KIF25: variants seen among roughly 807,000 people sequenced by gnomAD.
KIF25 encodes kinesin family member 25, also known as kinesin-like protein KIF25.
In KIF25, 19 loss-of-function variants were observed where a neutral mutation model predicts 32.9. The ratio of observed to expected loss-of-function variants is 0.58; its 90% CI spans 0.40 to 0.85. KIF25 has a LOEUF of 0.85. Among genes scored for constraint, KIF25 ranks in the 40% least tolerant of loss-of-function variants. The probability of loss-of-function intolerance (pLI) is 0.00; values close to 1 mark genes in which losing one functional copy is unlikely to be tolerated. For missense variants in KIF25, 485 were observed against 507.0 expected, an observed-to-expected ratio of 0.96 and a Z score of 0.42; for synonymous variants, 225 against 213.7, an observed-to-expected ratio of 1.05 and a Z score of -0.46.
At chr6:168,039,221 G>C (rs73788692) in intron 9 of KIF25, among the ~76,000 whole-genome samples, 3,586 of 152,252 alleles carry the variant, frequency 0.024, 159 homozygotes, top group African/African-American at 0.082. Flanking sequence ...CATCCCATCT[G>C]ACAGATGAGG....
chr6:168,024,624 C>A (rs777964455), intron 5 of KIF25, among the ~76,000 whole-genome samples: 7 of 151,732 alleles, frequency 4.6e-5, no homozygotes, highest in Non-Finnish European at 1.0e-4. Flanking sequence ...GTGAAGCAAT[C>A]AAAATAGGTG....
At chr6:168,000,246 G>T (rs373391969) in intron 2 of KIF25, among the ~76,000 whole-genome samples, 2 of 76,594 alleles carry the variant, frequency 2.6e-5, no homozygotes, top group East Asian at 7.6e-4. Flanking sequence ...CTCCCATCCC[G>T]ACCACGCCTG....
chr6:168,007,237 CCT>C (rs1461294741), intron 4 of KIF25, among the ~76,000 whole-genome samples: 1 of 152,058 alleles, frequency 6.6e-6, no homozygotes, highest in Non-Finnish European at 1.5e-5. Flanking sequence ...ATGGTGAAAC[CCT>C]GTCTCTACTA....
chr6:168,023,269 CTTTT>C lies in KIF25; in HGVS notation c.-95+5245_-95+5248del, dbSNP rs34667438. Among the ~76,000 whole-genome samples the C allele has an allele frequency of 8.1e-3, 904 of 111,906 alleles. 12 individuals are homozygous for C. The highest frequency in any genetic ancestry group is 0.027 in the African/African-American group (863 of 31,536). 73.4% of individuals were successfully genotyped at this position (111,906 alleles called of 152,430 possible). On this transcript the variant is annotated intron_variant, in intron 5 of 12. Coordinates refer to ENST00000643607, the MANE Select transcript of KIF25 (RefSeq NM_030615.4). ...TTGCACCTAGGAAGTTTCCTTCTTCCTTTTTTTTTTTTTTTTTTTGAGGAGTCTT... is the reference window on the plus strand; with the variant it reads ...TTGCACCTAGGAAGTTTCCTTCTTCCTTTTTTTTTTTTTTTGAGGAGTCTT...
chr6:168,036,494 C>T (rs1455702048), intron 8 of KIF25, among the ~76,000 whole-genome samples: 1 of 152,218 alleles, frequency 6.6e-6, no homozygotes, highest in African/African-American at 2.4e-5. Flanking sequence ...TGCGTGTGTG[C>T]CTCGCCTTCT....
At chr6:168,007,213 C>T (rs1256811984) in intron 4 of KIF25, among the ~76,000 whole-genome samples, 1 of 152,156 alleles carries the variant, frequency 6.6e-6, no homozygotes, top group Non-Finnish European at 1.5e-5. Flanking sequence ...GAGTTCGACA[C>T]CAGCCTGGCC....
intron 5 of KIF25, among the ~76,000 whole-genome samples, chr6:168,024,965 C>T (rs1036802410): frequency 6.6e-6 from 1 of 152,134 alleles, no homozygotes; most frequent in African/African-American, 2.4e-5. Context: ...GCAGGAGAAT[C>T]GCATGAACCC....
At chr6:168,036,676 C>G (rs531972143) in intron 8 of KIF25, among the ~76,000 whole-genome samples, 1 of 152,218 alleles carries the variant, frequency 6.6e-6, no homozygotes, top group Non-Finnish European at 1.5e-5. Flanking sequence ...AAGAGACAAA[C>G]TGACACATAA....
chr6:168,003,895 T>C (rs2114865919), intron 4 of KIF25, among the ~76,000 whole-genome samples, 192 bp downstream of exon 4: 1 of 152,316 alleles, frequency 6.6e-6, no homozygotes, highest in South Asian at 2.1e-4. Flanking sequence ...CGTAGTTCTA[T>C]GTGAGGAAGT....
At chr6:168,033,573 C>T (rs752998380) in intron 7 of KIF25, among the ~76,000 whole-genome samples, 4 of 151,794 alleles carry the variant, frequency 2.6e-5, no homozygotes, top group African/African-American at 7.3e-5. Context: ...GGTCAGAATC[C>T]CTATGTGAAT....
intron 4 of KIF25, among the ~76,000 whole-genome samples, chr6:168,005,868 C>T (rs112787233): frequency 0.022 from 3,342 of 152,336 alleles, 58 homozygotes; most frequent in Non-Finnish European, 0.035. Flanking sequence ...TTGGCAACAG[C>T]CTCACAGCCA....
At chr6:168,030,260 C>T (rs565772584) in intron 6 of KIF25, among the ~76,000 whole-genome samples, 1 of 152,108 alleles carries the variant, frequency 6.6e-6, no homozygotes, top group South Asian at 2.1e-4. Flanking sequence ...GACCTGGGGC[C>T]TAGGAAAACA....
In KIF25 at chr6:167,997,998, G is replaced by A. The variant is rs1214509855; in HGVS notation, c.-1471G>A. 6.6e-6 allele frequency among the ~76,000 whole-genome samples: 1 copy of A among 152,102 alleles called. No homozygotes were observed. The highest frequency in any genetic ancestry group is 2.4e-5 in the African/African-American group (1 of 41,390). Reference sequence around the variant, plus strand: ...CAGTGCTCCAAACATTGATATAAGAGAACATTTATTGAGTGCTTCCTGTGT... The same window carrying A: ...CAGTGCTCCAAACATTGATATAAGAAAACATTTATTGAGTGCTTCCTGTGT... On this transcript the variant is annotated 5_prime_UTR_variant, in exon 1 of 13. Transcript: ENST00000643607.
intron 2 of KIF25, among the ~76,000 whole-genome samples, chr6:168,000,233 C>T (rs577043933): frequency 5.2e-5 from 7 of 134,340 alleles, no homozygotes; most frequent in Admixed American, 3.7e-4. Context: ...CTGCCCCTCC[C>T]CACTCCCATC....
At chr6:168,029,450 C>T (rs953570405) in intron 5 of KIF25, 42 bp from the exon 6 acceptor site, 4 of 1,354,584 alleles carry the variant, frequency 3.0e-6, no homozygotes, top group African/African-American at 2.9e-5. Flanking sequence ...AAGGCATGGT[C>T]GTGGTAATAC....
chr6:168,038,827 C>T (rs1799074818), intron 9 of KIF25, 98 bp downstream of exon 9: 3 of 1,249,292 alleles, frequency 2.4e-6, no homozygotes, highest in East Asian at 2.5e-5. Context: ...AAACGAGCTC[C>T]CCACGCCCAA....
chr6:168,018,695 G>A (rs566929797), intron 5 of KIF25, among the ~76,000 whole-genome samples: 8 of 152,296 alleles, frequency 5.3e-5, no homozygotes, highest in African/African-American at 1.7e-4. Context: ...GAATCAATGC[G>A]CGTGGCCTTT....
rs117151552 is a variant in KIF25, at chr6:168,032,065, G to A, written c.167+1218G>A. Among the ~76,000 whole-genome samples the A allele has an allele frequency of 8.3e-3, 1,263 of 152,322 alleles. 13 individuals are homozygous for A. The highest frequency in any genetic ancestry group is 0.01 in the Middle Eastern group (3 of 294). ...GGAGACTAAAGTTCTCATTTGCAGA[G>A]GAAGCCTTTAGGTAGCAGCTTCAGA... On this transcript the variant is annotated intron_variant, in intron 7 of 12. Coordinates refer to ENST00000643607, the MANE Select transcript of KIF25 (RefSeq NM_030615.4).
Position 167,998,338 on chromosome 6 carries a change from G to A in KIF25, c.-1131G>A, listed in dbSNP as rs991817487. ...GGCCCATGGAGAATATGCAGGCAGA[G>A]GCTGATCCCAGCTTCTGTGGGTTCA... On this transcript the variant is annotated 5_prime_UTR_variant, in exon 1 of 13. Coordinates refer to ENST00000643607, the MANE Select transcript of KIF25 (RefSeq NM_030615.4). The A allele has an allele frequency of 3.9e-5, 6 of 152,330 alleles. No individual in the cohort carries two copies. The highest frequency in any genetic ancestry group is 1.4e-4 in the African/African-American group (6 of 41,570). The allele number at this position is 152,330 out of a possible 1,614,324, so 9.4% of individuals were successfully genotyped here. A position where few individuals can be genotyped will look rare whatever the true frequency, so the allele number is the denominator to read the frequency against.
Sources: gnomAD v4.1 joint callset for allele counts (sites outside exome capture counted in the v4.1 genomes callset) on GRCh38, gnomAD v4.1.1 for gene constraint, MANE v1.5 for transcripts, NCBI Gene and HGNC (gene_info 2026-07-23, HGNC 2026-07-21) for gene names.